The following TNNI3K variants were observed in gnomAD, a reference collection of about 807,000 sequenced individuals.
The protein encoded by TNNI3K is TNNI3 interacting kinase, also known as serine/threonine-protein kinase TNNI3K.
A neutral mutation model predicts 114.5 loss-of-function variants in TNNI3K; 140 were observed. The ratio of observed to expected loss-of-function variants is 1.22; its 90% CI spans 1.07 to 1.41. The LOEUF is 1.41. TNNI3K is among the 40% of genes most tolerant of loss of function. The pLI is 0.00. For missense variants in TNNI3K, 1,125 were observed against 1,007.6 expected (o/e 1.12, Z -1.58); for synonymous variants, 347 against 347.5 (o/e 1.00, Z 0.02).
At position 74,543,971 on chromosome 1, in the gene TNNI3K, G is replaced by T. The variant is rs45614933; in HGVS notation, c.2497G>T (p.Asp833Tyr). ...TTGCCGAAATAGTAGCAGCTTTGAG[G>T]ACAGCAGCTGACAGCATTCGGCGTA... ...HSCRNSSSFE[D>Y]SS Residue 833 changes from aspartate to tyrosine, a missense_variant, in exon 25 of 25, where the codon GAC (aspartate) becomes TAC (tyrosine). Coordinates refer to ENST00000326637, the MANE Select transcript of TNNI3K (RefSeq NM_015978.3). 70 of 1,612,832 alleles carry T rather than the reference G, an allele frequency of 4.3e-5. No individual in the cohort carries two copies. In the African/African-American group the frequency reaches 8.3e-4, roughly 19 times the overall value.
At chr1:74,266,236 TAA>T (rs1655977596) in intron 4 of TNNI3K, among the ~76,000 whole-genome samples, 1 of 152,032 alleles carries the variant, frequency 6.6e-6, no homozygotes. Flanking sequence ...CTGACTGGAA[TAA>T]GTGTAAGGCT....
At position 74,538,281 on chromosome 1, in the gene TNNI3K, G is replaced by C. The variant is rs17095544; in HGVS notation, c.2352-1953G>C. Among the ~76,000 whole-genome samples the C allele has an allele frequency of 8.6e-3, 1,313 of 152,182 alleles. 22 individuals carry two copies. The highest frequency in any genetic ancestry group is 0.029 in the African/African-American group (1,194 of 41,516). On this transcript the variant is annotated intron_variant, in intron 23 of 24. Coordinates refer to ENST00000326637, the MANE Select transcript of TNNI3K (RefSeq NM_015978.3). ...AGGGCTATAGAGGACTTGGTATATC[G>C]GCTTGGGGAATTGCAGGGGAATGCT...
At chr1:74,504,282 C>A (rs1346433352) in intron 23 of TNNI3K, among the ~76,000 whole-genome samples, 3 of 152,112 alleles carry the variant, frequency 2.0e-5, no homozygotes, top group African/African-American at 7.2e-5. Flanking sequence ...ACTAAAGTAA[C>A]CATGTTAGCT....
At chr1:74,473,404 C>G (rs1216541818) in intron 21 of TNNI3K, among the ~76,000 whole-genome samples, 1 of 151,942 alleles carries the variant, frequency 6.6e-6, no homozygotes, top group African/African-American at 2.4e-5. Flanking sequence ...AGTATACTTT[C>G]TATTGTTTCA....
At chr1:74,319,125 C>T (rs148848680) in intron 5 of TNNI3K, among the ~76,000 whole-genome samples, 262 of 152,262 alleles carry the variant, frequency 1.7e-3, no homozygotes, top group African/African-American at 4.3e-3. Flanking sequence ...GTAAAAGTGT[C>T]GGGTGAGGCT....
chr1:74,271,524 C>A, intron 4 of TNNI3K, 74 bp from the exon 5 acceptor site: 2 of 1,407,878 alleles, frequency 1.4e-6, no homozygotes, highest in Non-Finnish European at 1.9e-6. Flanking sequence ...GGCAGAAAAT[C>A]AATACATCCT....
intron 20 of TNNI3K, among the ~76,000 whole-genome samples, chr1:74,451,711 C>CT (rs1407749097): frequency 6.9e-4 from 23 of 33,126 alleles, no homozygotes; most frequent in Non-Finnish European, 9.6e-4. Flanking sequence ...TTCTTTCTTT[C>CT]TTTCTTTCTT....
rs11210455 is a variant in TNNI3K at position 74,359,833 on chromosome 1, A to T, written c.1177+5704A>T. ...CTTGATTTCTTTGCTTGGATATCTG[A>T]GGACCCTGCAAAACTCAACAAGTCC... On this transcript the variant is annotated intron_variant, in intron 11 of 24. Transcript: ENST00000326637. Among the ~76,000 whole-genome samples, 544 of 152,064 alleles carry T rather than the reference A, an allele frequency of 3.6e-3. 5 individuals are homozygous for T. Among genetic ancestry groups the T allele is most frequent in the African/African-American group, 0.012 (492 of 41,548 alleles).
intron 2 of TNNI3K, 142 bp from the exon 3 acceptor site, chr1:74,249,317 A>T (rs1368342456): frequency 1.2e-6 from 1 of 822,510 alleles, no homozygotes; most frequent in Non-Finnish European, 1.8e-6. Context: ...AGGGTTCAAG[A>T]TTCTTTCTGT....
chr1:74,313,850 C>G (rs2100359086), intron 5 of TNNI3K, among the ~76,000 whole-genome samples: 1 of 152,062 alleles, frequency 6.6e-6, no homozygotes, highest in African/African-American at 2.4e-5. Context: ...ATTATATCAT[C>G]AAATTTAATC....
intron 23 of TNNI3K, among the ~76,000 whole-genome samples, chr1:74,516,000 G>A (rs535963232): frequency 5.7e-4 from 87 of 152,294 alleles, no homozygotes; most frequent in Admixed American, 3.1e-3. Context: ...GGAGAGAGTA[G>A]TACTGATGTC....
intron 4 of TNNI3K, among the ~76,000 whole-genome samples, chr1:74,255,062 G>T (rs75012830): frequency 0.087 from 13,183 of 152,222 alleles, 810 homozygotes; most frequent in African/African-American, 0.17. Context: ...TAAACATTAT[G>T]AACTTGTTCT....
chr1:74,342,814 A>T (rs1440144545), intron 7 of TNNI3K, 28 bp from the exon 8 acceptor site: 1 of 1,612,518 alleles, frequency 6.2e-7, no homozygotes, highest in Non-Finnish European at 8.5e-7. Flanking sequence ...TCTAGATAAC[A>T]TATCTTTTTC....
chr1:74,373,139 G>C (rs957228969), intron 17 of TNNI3K: 16 of 151,828 alleles, frequency 1.1e-4, no homozygotes, highest in African/African-American at 3.9e-4. Context: ...AGAGCTTACT[G>C]CACTACTTGG....
At chr1:74,284,037 C>T (rs546728017) in intron 5 of TNNI3K, among the ~76,000 whole-genome samples, 1 of 152,076 alleles carries the variant, frequency 6.6e-6, no homozygotes, top group Non-Finnish European at 1.5e-5. Context: ...AGTTTGGAAA[C>T]CTCTGAGCTC....
intron 23 of TNNI3K, among the ~76,000 whole-genome samples, chr1:74,529,077 A>G (rs1456270986): frequency 6.6e-6 from 1 of 152,232 alleles, no homozygotes; most frequent in Non-Finnish European, 1.5e-5. Flanking sequence ...CTATAAGTTC[A>G]TATAGATATA....
At position 74,528,250 on chromosome 1, in the gene TNNI3K, C is replaced by T. The variant is rs190886596; in HGVS notation, c.2352-11984C>T. On this transcript the variant is annotated intron_variant, in intron 23 of 24. Coordinates refer to ENST00000326637, the MANE Select transcript of TNNI3K (RefSeq NM_015978.3). ...GCATAAGGGTGGTGAAGAAGGTGTA[C>T]GTGTGGGCAGGCAGCCCAGTGCAAG... Among the ~76,000 whole-genome samples, 49 of 152,212 alleles carry T rather than the reference C, an allele frequency of 3.2e-4. No homozygotes were observed. In the East Asian group the frequency reaches 5.8e-3, roughly 18 times the overall value.
chr1:74,265,558 A>G (rs1038243567), intron 4 of TNNI3K, among the ~76,000 whole-genome samples: 17 of 152,138 alleles, frequency 1.1e-4, no homozygotes, highest in Admixed American at 6.6e-4. Flanking sequence ...TGGCATATCT[A>G]TTTCTGCCAC....
chr1:74,313,246 C>T (rs577404671), intron 5 of TNNI3K, among the ~76,000 whole-genome samples: 3 of 152,136 alleles, frequency 2.0e-5, no homozygotes, highest in Admixed American at 6.5e-5. Flanking sequence ...CCATAACATG[C>T]GATTTATCTC....
Sources: gnomAD v4.1 joint callset for allele counts (sites outside exome capture counted in the v4.1 genomes callset) on GRCh38, gnomAD v4.1.1 for gene constraint, MANE v1.5 for transcripts, NCBI Gene and HGNC (gene_info 2026-07-23, HGNC 2026-07-21) for gene names.